SH3RF3: variants seen among roughly 807,000 people sequenced by gnomAD.
SH3RF3 encodes SH3 domain containing ring finger 3, also known as E3 ubiquitin-protein ligase SH3RF3.
In SH3RF3, 29 loss-of-function variants were observed where a neutral mutation model predicts 66.3. That is an observed-to-expected ratio of 0.44 (90% confidence interval 0.33 to 0.60). The LOEUF (loss-of-function observed/expected upper bound fraction) is 0.60, where lower values mean the gene tolerates loss of function less well. SH3RF3 is among the 20% of genes least tolerant of loss of function. The probability of loss-of-function intolerance (pLI) is 0.04; values close to 1 mark genes in which losing one functional copy is unlikely to be tolerated. For synonymous variants in SH3RF3, 583 were observed against 532.0 expected, an observed-to-expected ratio of 1.10 and a Z score of -1.32; for missense variants, 1,194 against 1,190.9, an observed-to-expected ratio of 1.00 and a Z score of -0.04.
chr2:109,143,317 TA>T lies in SH3RF3; in HGVS notation c.573+13210del, dbSNP rs558519721. Among the ~76,000 whole-genome samples, 70 of 152,232 alleles carry T rather than the reference TA, an allele frequency of 4.6e-4. No homozygotes were observed. In the East Asian group the frequency reaches 5.8e-3, roughly 13 times the overall value. ...GAGGCTTGGAGGACCATAGTTTGGA[TA>T]AAAAATGCCTTAAGTTGAAGTGAAA... On this transcript the variant is annotated intron_variant, in intron 1 of 9. Transcript: ENST00000309415.
At chr2:109,434,405 G>A (rs1559081863) in intron 6 of SH3RF3, among the ~76,000 whole-genome samples, 1 of 152,118 alleles carries the variant, frequency 6.6e-6, no homozygotes, top group Non-Finnish European at 1.5e-5. Flanking sequence ...GAGAACTTCC[G>A]CAGACCTTCA....
At chr2:109,237,567 G>A (rs540375609) in intron 1 of SH3RF3, among the ~76,000 whole-genome samples, 2 of 152,080 alleles carry the variant, frequency 1.3e-5, no homozygotes, top group Admixed American at 6.5e-5. Context: ...ACACAAATTC[G>A]CAAACTTTCT....
rs1427855276 is a variant in SH3RF3, at chr2:109,398,695, G to A, written c.1051G>A (p.Val351Met). The A allele has an allele frequency of 1.2e-5, 19 of 1,611,312 alleles. No individual in the cohort carries two copies. In the South Asian group the frequency reaches 1.8e-4, roughly 15 times the overall value. ...CTCTGACTCCGGCGCTGTGGCCAGCGTGGCCCCAAGTCCCACTTTAAGCAG... is the reference window on the plus strand; with the variant it reads ...CTCTGACTCCGGCGCTGTGGCCAGCATGGCCCCAAGTCCCACTTTAAGCAG... Reference protein sequence around the residue: ...LPSDSGAVASVAPSPTLSSSG... With the variant: ...LPSDSGAVASMAPSPTLSSSG... The change falls in exon 4 of 10, where the codon GTG (valine) becomes ATG (methionine). Residue 351 changes from valine (V) to methionine (M), a missense_variant. Transcript: ENST00000309415.
At chr2:109,415,673 C>T (rs536995737) in intron 4 of SH3RF3, among the ~76,000 whole-genome samples, 110 of 152,276 alleles carry the variant, frequency 7.2e-4, no homozygotes, top group African/African-American at 2.5e-3. Context: ...AGAACACTCT[C>T]AGGAGGCCCC....
At chr2:109,204,194 CCTTTT>C (rs1290152214) in intron 1 of SH3RF3, among the ~76,000 whole-genome samples, 2 of 152,198 alleles carry the variant, frequency 1.3e-5, no homozygotes, top group Non-Finnish European at 2.9e-5. Flanking sequence ...TCTGCTCTTT[CCTTTT>C]ATCTGTCTGT....
chr2:109,406,206 T>C (rs1441242853), intron 4 of SH3RF3, among the ~76,000 whole-genome samples: 1 of 152,076 alleles, frequency 6.6e-6, no homozygotes, highest in East Asian at 1.9e-4. Flanking sequence ...AGTGCTCTGC[T>C]GGGGGAGGGA....
chr2:109,377,589 A>G (rs773469317), intron 3 of SH3RF3, among the ~76,000 whole-genome samples: 2 of 152,214 alleles, frequency 1.3e-5, no homozygotes, highest in Non-Finnish European at 1.5e-5. Context: ...AATGCTGTTT[A>G]TAGATCCTGG....
intron 6 of SH3RF3, 143 bp downstream of exon 6, chr2:109,432,814 G>A: frequency 2.6e-6 from 3 of 1,147,120 alleles, no homozygotes; most frequent in Non-Finnish European, 3.6e-6. Flanking sequence ...AGCCCCCACT[G>A]GCGTCCCCAG....
At chr2:109,198,962 TATGCAGTCATC>T (rs1299925626) in intron 1 of SH3RF3, among the ~76,000 whole-genome samples, 6 of 152,214 alleles carry the variant, frequency 3.9e-5, no homozygotes, top group African/African-American at 1.2e-4. Context: ...CCCCATGGTA[TATGCAGTCATC>T]ATGGACTGCA....
chr2:109,499,844 C>G (rs1679345066), intron 9 of SH3RF3, among the ~76,000 whole-genome samples: 1 of 152,136 alleles, frequency 6.6e-6, no homozygotes, highest in Non-Finnish European at 1.5e-5. Flanking sequence ...TTTTAATCGG[C>G]AACATAACTG....
chr2:109,322,522 T>C (rs181786977), intron 1 of SH3RF3, among the ~76,000 whole-genome samples: 3 of 152,342 alleles, frequency 2.0e-5, no homozygotes, highest in Middle Eastern at 3.4e-3. Context: ...TATAAATAAT[T>C]TCACAAATAG....
In SH3RF3 at chr2:109,475,562, G is replaced by GCTGACACCTGCCCTGTAGC. The variant is rs1336989622; in HGVS notation, c.2149-15041_2149-15023dup. Among the ~76,000 whole-genome samples the GCTGACACCTGCCCTGTAGC allele has an allele frequency of 1.1e-4, 16 of 152,296 alleles. No homozygotes were observed. The East Asian group carries it at 3.1e-3, about 29-fold the overall frequency. The stretch of plus-strand genomic sequence containing the variant: ...GGGGACAGGGACATATGCCACAGAG[G>GCTGACACCTGCCCTGTAGC]CTGACACCTGCCCTGTAGCCAGGGC... On this transcript the variant is annotated intron_variant, in intron 8 of 9. Coordinates refer to ENST00000309415, the MANE Select transcript of SH3RF3 (RefSeq NM_001099289.3).
At chr2:109,360,525 C>A (rs1293597517) in intron 2 of SH3RF3, among the ~76,000 whole-genome samples, 2 of 152,166 alleles carry the variant, frequency 1.3e-5, no homozygotes, top group African/African-American at 4.8e-5. Context: ...GGGTCCCATA[C>A]CCAAGATATC....
At chr2:109,264,240 CT>C (rs1680430286) in intron 1 of SH3RF3, among the ~76,000 whole-genome samples, 1 of 150,456 alleles carries the variant, frequency 6.6e-6, no homozygotes, top group East Asian at 2.0e-4. Flanking sequence ...TGGGTGCTCC[CT>C]GTCCACCTCC....
At chr2:109,180,172 C>CT (rs527402551) in intron 1 of SH3RF3, among the ~76,000 whole-genome samples, 3 of 151,314 alleles carry the variant, frequency 2.0e-5, no homozygotes, top group Non-Finnish European at 4.4e-5. Flanking sequence ...TGTTCTCTGT[C>CT]TACTTCCCTC....
intron 1 of SH3RF3, among the ~76,000 whole-genome samples, chr2:109,202,744 G>C (rs1329995485): frequency 2.0e-5 from 3 of 152,170 alleles, no homozygotes; most frequent in East Asian, 3.9e-4. Flanking sequence ...CCGTGGGGCT[G>C]TCGACAGCCC....
At chr2:109,150,825 A>T (rs921049536) in intron 1 of SH3RF3, among the ~76,000 whole-genome samples, 3 of 151,796 alleles carry the variant, frequency 2.0e-5, no homozygotes, top group African/African-American at 7.3e-5. Context: ...GGGAGAAATT[A>T]AAAAAAAAGT....
intron 1 of SH3RF3, among the ~76,000 whole-genome samples, chr2:109,234,497 A>G (rs1679596838): frequency 6.6e-6 from 1 of 152,250 alleles, no homozygotes; most frequent in Non-Finnish European, 1.5e-5. Flanking sequence ...CATTCTTCTC[A>G]GCGAGTAGCT....
At chr2:109,443,718 T>C (rs1235988929) in intron 7 of SH3RF3, among the ~76,000 whole-genome samples, 3 of 152,200 alleles carry the variant, frequency 2.0e-5, no homozygotes, top group African/African-American at 4.8e-5. Context: ...TAAATATTTA[T>C]ACACCAAGTA....
Sources: gnomAD v4.1 joint callset for allele counts (sites outside exome capture counted in the v4.1 genomes callset) on GRCh38, gnomAD v4.1.1 for gene constraint, MANE v1.5 for transcripts, NCBI Gene and HGNC (gene_info 2026-07-23, HGNC 2026-07-21) for gene names.